The following PRIM2 variants were observed in gnomAD, a reference collection of about 807,000 sequenced individuals.
PRIM2 encodes DNA primase large subunit.
Under a neutral mutation model 67.3 loss-of-function variants are expected in PRIM2, and 39 were observed. That is an observed-to-expected ratio of 0.58 (90% CI 0.45 to 0.76). The LOEUF (loss-of-function observed/expected upper bound fraction) is 0.76. PRIM2 is among the 30% of genes least tolerant of loss of function. The pLI is 0.00. For missense variants in PRIM2, 398 were observed against 598.7 expected, an observed-to-expected ratio of 0.66 and a Z score of 3.50; for synonymous variants, 143 against 198.7, an observed-to-expected ratio of 0.72 and a Z score of 2.36.
intron 5 of PRIM2, among the ~76,000 whole-genome samples, chr6:57,369,777 C>T (rs1769482150): frequency 6.6e-6 from 1 of 152,170 alleles, no homozygotes; most frequent in African/African-American, 2.4e-5. Context: ...TTGAATTCCC[C>T]TATACACCAA....
In PRIM2 at chr6:57,317,933, G is replaced by A. The variant is rs190384442; in HGVS notation, c.-10+232G>A. Among the ~76,000 whole-genome samples the A allele has an allele frequency of 2.4e-4, 36 of 152,176 alleles. No homozygotes were observed. In the East Asian group the frequency reaches 6.8e-3, roughly 29 times the overall value. On this transcript the variant is annotated intron_variant, in intron 1 of 13. Coordinates refer to ENST00000615550, the MANE Select transcript of PRIM2 (RefSeq NM_000947.5). ...GATGGAACTTTTGTAAGGCACTTGT[G>A]GATGCTCCCGAAAAGGAGTTCCGAA...
chr6:57,618,609 C>T (rs1386697558), intron 12 of PRIM2, among the ~76,000 whole-genome samples: 2 of 152,118 alleles, frequency 1.3e-5, no homozygotes, highest in Non-Finnish European at 1.5e-5. Flanking sequence ...GTGAGACCAG[C>T]CCTTCAGTTT....
At chr6:57,284,011 T>C in the PRIM2 span, among the ~76,000 whole-genome samples, 1 of 152,252 alleles carries the variant, frequency 6.6e-6, no homozygotes, top group South Asian at 2.1e-4. Context: ...TTATAGTATA[T>C]TTCTTACTCT....
chr6:57,394,842 G>A (rs1004353861), intron 7 of PRIM2, among the ~76,000 whole-genome samples: 1 of 152,060 alleles, frequency 6.6e-6, no homozygotes, highest in Non-Finnish European at 1.5e-5. Context: ...TCCCTTGTAT[G>A]CTGATTTTGT....
chr6:57,251,628 TTCTTG>T, the PRIM2 span, among the ~76,000 whole-genome samples: 7 of 152,188 alleles, frequency 4.6e-5, no homozygotes, highest in Non-Finnish European at 7.4e-5. Context: ...GCAGTAGTCA[TTCTTG>T]TGGGTTGGGG....
intron 7 of PRIM2, among the ~76,000 whole-genome samples, chr6:57,385,902 A>G (rs1293614645): frequency 6.7e-6 from 1 of 148,260 alleles, no homozygotes; most frequent in Non-Finnish European, 1.5e-5. Context: ...AAATTTATCC[A>G]TTCTATTGTT....
chr6:57,504,915 T>G (rs1774221548), intron 7 of PRIM2, among the ~76,000 whole-genome samples: 1 of 152,246 alleles, frequency 6.6e-6, no homozygotes, highest in South Asian at 2.1e-4. Context: ...AGACATATAC[T>G]TTCATTTTTA....
intron 12 of PRIM2, among the ~76,000 whole-genome samples, chr6:57,629,319 C>T (rs1777005594): frequency 1.3e-5 from 2 of 152,112 alleles, no homozygotes; most frequent in South Asian, 4.1e-4. Context: ...CAGAAAATAT[C>T]TGTTTGTTAA....
chr6:57,474,138 G>A, intron 7 of PRIM2, among the ~76,000 whole-genome samples: 1 of 123,244 alleles, frequency 8.1e-6, no homozygotes, highest in African/African-American at 2.9e-5. Flanking sequence ...AAAAATGTTT[G>A]TGTTTGCTAT....
At chr6:57,226,711 G>C in the PRIM2 span, among the ~76,000 whole-genome samples, 2 of 152,218 alleles carry the variant, frequency 1.3e-5, no homozygotes, top group Admixed American at 1.3e-4. Context: ...GGAGAGCAAT[G>C]GAAGGCCGGT....
chr6:57,622,584 TAA>T (rs1776878880), intron 12 of PRIM2, among the ~76,000 whole-genome samples: 1 of 152,240 alleles, frequency 6.6e-6, no homozygotes, highest in Non-Finnish European at 1.5e-5. Flanking sequence ...CTAATGTTTT[TAA>T]AACTCTTTTT....
chr6:57,601,224 G>T lies in PRIM2; in HGVS notation c.1147+5G>T. 6.3e-7 allele frequency: 1 copy of T among 1,598,142 alleles called. No individual in the cohort carries two copies. The highest frequency in any genetic ancestry group is 1.3e-5 in the African/African-American group (1 of 74,228). On this transcript the variant is annotated splice_donor_5th_base_variant and intron_variant, in intron 11 of 13. Coordinates refer to ENST00000615550, the MANE Select transcript of PRIM2 (RefSeq NM_000947.5). ...CAAGCCAAGGGGATTATCATGGTAAGTGCCTCCACTGGATATGTTGGCCAA... is the reference window on the plus strand; with the variant it reads ...CAAGCCAAGGGGATTATCATGGTAATTGCCTCCACTGGATATGTTGGCCAA...
At chr6:57,276,785 G>C in the PRIM2 span, among the ~76,000 whole-genome samples, 1 of 151,840 alleles carries the variant, frequency 6.6e-6, no homozygotes, top group Admixed American at 6.6e-5. Context: ...TGTATTTGGG[G>C]GGCTCAGGTG....
At chr6:57,441,098 C>T (rs9475953) in intron 7 of PRIM2, among the ~76,000 whole-genome samples, 2 of 152,194 alleles carry the variant, frequency 1.3e-5, no homozygotes, top group African/African-American at 2.4e-5. Context: ...TGACGTTGTG[C>T]TGATTGTCAC....
intron 7 of PRIM2, among the ~76,000 whole-genome samples, chr6:57,507,129 ACT>A (rs1371839991): frequency 1.3e-5 from 2 of 151,590 alleles, no homozygotes; most frequent in East Asian, 1.9e-4. Flanking sequence ...ACTCCCTTTT[ACT>A]CTCTGTTTTG....
intron 7 of PRIM2, among the ~76,000 whole-genome samples, chr6:57,392,649 G>C (rs1007276382): frequency 4.4e-4 from 66 of 149,078 alleles, no homozygotes; most frequent in African/African-American, 4.2e-4. Context: ...TTTTTTTTTT[G>C]TGGATATCCA....
chr6:57,547,859 C>T (rs1266906865), intron 10 of PRIM2, among the ~76,000 whole-genome samples: 1 of 152,124 alleles, frequency 6.6e-6, no homozygotes, highest in Non-Finnish European at 1.5e-5. Flanking sequence ...AAATTGACTA[C>T]TGAAGGATTA....
intron 7 of PRIM2, among the ~76,000 whole-genome samples, chr6:57,446,644 T>C (rs911726469): frequency 2.0e-5 from 3 of 151,906 alleles, no homozygotes; most frequent in African/African-American, 7.3e-5. Context: ...TCCATTCAGT[T>C]ATTAGTGGGG....
At chr6:57,274,609 G>C in the PRIM2 span, among the ~76,000 whole-genome samples, 1 of 152,182 alleles carries the variant, frequency 6.6e-6, no homozygotes, top group Admixed American at 6.5e-5. Flanking sequence ...GCTTTGGCTC[G>C]TGCACGGTGC....
Sources: allele counts gnomAD v4.1 joint callset (sites outside exome capture counted in the v4.1 genomes callset), GRCh38; gene constraint gnomAD v4.1.1; transcripts MANE v1.5; gene names NCBI Gene and HGNC (gene_info 2026-07-23, HGNC 2026-07-21).